GGA2: variants seen among roughly 807,000 people sequenced by gnomAD.
GGA2 encodes golgi associated, gamma adaptin ear containing, ARF binding protein 2, also known as ADP-ribosylation factor-binding protein GGA2.
GGA2 carries 48 observed loss-of-function variants against 79.5 expected under a neutral mutation model. The ratio of observed to expected loss-of-function variants is 0.60; its 90% CI spans 0.48 to 0.77. GGA2 has a LOEUF of 0.77. Among genes scored for constraint, GGA2 ranks in the 30% least tolerant of loss-of-function variants. The pLI is 0.00. For synonymous variants in GGA2, 317 were observed against 302.0 expected, an observed-to-expected ratio of 1.05 and a Z score of -0.51; for missense variants, 770 against 774.0, an observed-to-expected ratio of 0.99 and a Z score of 0.06.
intron 10 of GGA2, chr16:23,480,205 C>T (rs915423873): frequency 8.2e-6 from 3 of 365,034 alleles, no homozygotes; most frequent in Non-Finnish European, 1.5e-5. Context: ...TGATTAGAAT[C>T]ACCCACAGTG....
chr16:23,509,854 G>A (rs565317120), intron 1 of GGA2, among the ~76,000 whole-genome samples: 50 of 151,692 alleles, frequency 3.3e-4, no homozygotes, highest in African/African-American at 1.2e-3. Flanking sequence ...GCGGTAGCCA[G>A]ATAGAGATCT....
At chr16:23,510,870 C>CGTGTGT (rs146414672), upstream of GGA2, among the ~76,000 whole-genome samples, 1 of 129,472 alleles carries the variant, frequency 7.7e-6, no homozygotes, top group African/African-American at 3.4e-5. Context: ...CCACGCCTGG[C>CGTGTGT]GTGTGTGTGT....
At position 23,510,341 on chromosome 16, in the gene GGA2, G is replaced by C; in HGVS notation, c.71C>G (p.Ala24Gly). ...ESAQGPPGPAASLELWLNKAT... is the reference protein window; with the variant it reads ...ESAQGPPGPAGSLELWLNKAT... ...CTCACTGAGCCACAGCTCCAGCGAC[G>C]CTGCCGGGCCCGGGGGACCCTGGGC... Residue 24 changes from alanine (A) to glycine (G), a missense_variant, in exon 1 of 17, where the codon GCG (alanine) becomes GGG (glycine). Ala to Gly is a moderately conservative substitution (Grantham distance 60, BLOSUM62 0). Coordinates refer to ENST00000309859, the MANE Select transcript of GGA2 (RefSeq NM_015044.4). The C allele has an allele frequency of 7.0e-7, 1 of 1,436,448 alleles. No individual in the cohort carries two copies. Among genetic ancestry groups the C allele is most frequent in the Non-Finnish European group, 9.1e-7 (1 of 1,095,730 alleles). 89.0% of individuals were successfully genotyped at this position (1,436,448 alleles called of 1,614,324 possible). A position where few individuals can be genotyped will look rare whatever the true frequency, so the allele number is the denominator to read the frequency against.
chr16:23,513,620 C>CA (rs1965086393), upstream of GGA2, among the ~76,000 whole-genome samples: 1 of 151,264 alleles, frequency 6.6e-6, no homozygotes, highest in Non-Finnish European at 1.5e-5. Flanking sequence ...CGCGTGTCTA[C>CA]AAAAAAATAC....
At chr16:23,510,031 A>T (rs1455215576) in intron 1 of GGA2, among the ~76,000 whole-genome samples, 1 of 134,448 alleles carries the variant, frequency 7.4e-6, no homozygotes, top group Admixed American at 8.3e-5. Flanking sequence ...GGGAAAGCGC[A>T]GGTCACGTAG....
intron 12 of GGA2, 78 bp downstream of exon 12, chr16:23,478,805 G>T: frequency 9.8e-7 from 1 of 1,018,250 alleles, no homozygotes; most frequent in Non-Finnish European, 1.6e-6. Context: ...CTCTCTGCTC[G>T]CCAGGCAGTG....
chr16:23,491,934 G>C, intron 4 of GGA2, 134 bp from the exon 5 acceptor site: 1 of 576,352 alleles, frequency 1.7e-6, no homozygotes. Context: ...AGAGACTAGA[G>C]GCCACACCAT....
At chr16:23,482,865 G>A in intron 9 of GGA2, 58 bp downstream of exon 9, 1 of 975,384 alleles carries the variant, frequency 1.0e-6, no homozygotes, top group Non-Finnish European at 1.7e-6. Context: ...TGTGACAGGA[G>A]GGACCGAGTC....
At chr16:23,509,749 T>C in intron 1 of GGA2, among the ~76,000 whole-genome samples, 1 of 148,832 alleles carries the variant, frequency 6.7e-6, no homozygotes, top group South Asian at 2.1e-4. Context: ...AACACACATA[T>C]ATATATATAC....
At position 23,482,977 on chromosome 16, in the gene GGA2, G is replaced by A. The variant is rs1420706698; in HGVS notation, c.826C>T (p.Arg276Trp). The A allele has an allele frequency of 7.4e-6, 12 of 1,611,540 alleles. No homozygotes were observed. Among genetic ancestry groups the A allele is most frequent in the South Asian group, 2.2e-5 (2 of 91,016 alleles). ...CTCGCCAACCGGAACAGCGTGGGCC[G>A]CAGCTTTTCACACCTCTCATACACG... is the stretch of plus-strand genomic sequence containing the variant. ...QVVYERCEKLRPTLFRLASDT... is the reference protein window; with the variant it reads ...QVVYERCEKLWPTLFRLASDT... The change falls in exon 9 of 17, where the codon CGG becomes TGG. Residue 276 changes from arginine (R) to tryptophan (W), a missense_variant. By Grantham distance (101) the Arg-to-Trp change is moderately radical. Transcript: ENST00000309859.
rs1193665188 is a variant in GGA2, at chr16:23,465,691, A to C, written c.*1899T>G. 2 of 348,090 alleles carry C rather than the reference A, an allele frequency of 5.7e-6. No homozygotes were observed. Among genetic ancestry groups the C allele is most frequent in the African/African-American group, 4.2e-5 (2 of 48,034 alleles). 21.6% of individuals were successfully genotyped at this position (348,090 alleles called of 1,614,324 possible). A position where few individuals can be genotyped will look rare whatever the true frequency, so the allele number is the denominator to read the frequency against. On this transcript the variant is annotated 3_prime_UTR_variant, in exon 17 of 17. Coordinates refer to ENST00000309859, the MANE Select transcript of GGA2 (RefSeq NM_015044.4). ...TGCGGTGGCTCACGCCTGTAATCCC[A>C]GCACTCTGGGAGGCCAAGGCAGGCG...
At chr16:23,470,304 A>G in intron 14 of GGA2, 139 bp from the exon 15 acceptor site, 1 of 589,354 alleles carries the variant, frequency 1.7e-6, no homozygotes, top group Non-Finnish European at 2.8e-6. Flanking sequence ...ATTCCTCTGC[A>G]CTACCATAAT....
rs185676925 is a variant in GGA2, at chr16:23,474,633, C to G, written c.1450+271G>C. On this transcript the variant is annotated intron_variant, in intron 14 of 16. Coordinates refer to ENST00000309859, the MANE Select transcript of GGA2 (RefSeq NM_015044.4). Reference sequence around the variant, plus strand: ...TGGCCTCCCAATTTTTTTCTTCCCCCCCAAATAGAGACAAGGCTATGTCGC... The same window carrying G: ...TGGCCTCCCAATTTTTTTCTTCCCCGCCAAATAGAGACAAGGCTATGTCGC... Among the ~76,000 whole-genome samples, 28 of 151,980 alleles carry G rather than the reference C, an allele frequency of 1.8e-4. No individual in the cohort carries two copies. The South Asian group carries it at 1.9e-3, about 10-fold the overall frequency.
At chr16:23,512,924 C>T (rs1025451436), upstream of GGA2, among the ~76,000 whole-genome samples, 3 of 151,938 alleles carry the variant, frequency 2.0e-5, no homozygotes, top group Admixed American at 6.6e-5. Context: ...AGGCTGCTCT[C>T]GAACTCCTAA....
chr16:23,494,804 A>G (rs1177428069), intron 2 of GGA2, among the ~76,000 whole-genome samples: 1 of 152,264 alleles, frequency 6.6e-6, no homozygotes. Context: ...TGGATGGGCC[A>G]GGCACAGTGG....
Position 23,479,830 on chromosome 16 carries a change from T to C in GGA2, c.1064A>G (p.Asp355Gly), listed in dbSNP as rs1438550425. The change falls in exon 11 of 17, where the codon GAC (aspartate) becomes GGC (glycine). Residue 355 changes from aspartate to glycine, a missense_variant. Coordinates refer to ENST00000309859, the MANE Select transcript of GGA2 (RefSeq NM_015044.4). ...KTCPLIDLEV[D>G]NGPAQMGTVV... ...AGTCCCCATCTGCGCAGGTCCATTGTCCACCTCCAAGTCAATCAGGGGGCA... is the reference window on the plus strand; with the variant it reads ...AGTCCCCATCTGCGCAGGTCCATTGCCCACCTCCAAGTCAATCAGGGGGCA... 2 of 1,614,134 alleles carry C rather than the reference T, an allele frequency of 1.2e-6. No homozygotes were observed. Among genetic ancestry groups the C allele is most frequent in the South Asian group, 2.2e-5 (2 of 91,072 alleles).
chr16:23,469,896 T>C (rs748232799), intron 15 of GGA2, 100 bp downstream of exon 15: 73 of 856,598 alleles, frequency 8.5e-5, no homozygotes, highest in Non-Finnish European at 1.0e-4. Flanking sequence ...TTAGTTTGAG[T>C]GAAGATTCTT....
upstream of GGA2, among the ~76,000 whole-genome samples, chr16:23,512,549 C>T (rs965187088): frequency 9.0e-6 from 1 of 111,646 alleles, no homozygotes; most frequent in Non-Finnish European, 1.8e-5. Context: ...CAAATGAATA[C>T]TGTTCTGGGA....
upstream of GGA2, among the ~76,000 whole-genome samples, chr16:23,511,087 C>T (rs1965052579): frequency 6.6e-6 from 1 of 151,338 alleles, no homozygotes; most frequent in South Asian, 2.1e-4. Context: ...CGGGTGGTCT[C>T]GAACTCCTGG....
Sources: gnomAD v4.1 joint callset for allele counts (sites outside exome capture counted in the v4.1 genomes callset) on GRCh38, gnomAD v4.1.1 for gene constraint, MANE v1.5 for transcripts, NCBI Gene and HGNC (gene_info 2026-07-23, HGNC 2026-07-21) for gene names.